Variants in ZNF804B observed in about 807,000 individuals in gnomAD.
ZNF804B encodes zinc finger protein 804B.
A neutral mutation model predicts 101.4 loss-of-function variants in ZNF804B; 80 were observed. The ratio of observed to expected loss-of-function variants is 0.79; its 90% CI spans 0.66 to 0.95. The LOEUF (loss-of-function observed/expected upper bound fraction) is 0.95, where lower values mean the gene tolerates loss of function less well. Among genes scored for constraint, ZNF804B ranks in the 40% least tolerant of loss-of-function variants. The pLI, the probability that ZNF804B is intolerant of heterozygous loss-of-function variation, is 0.00. For missense variants in ZNF804B, 1,673 were observed against 1,561.9 expected, an observed-to-expected ratio of 1.07 and a Z score of -1.20; for synonymous variants, 622 against 558.8, an observed-to-expected ratio of 1.11 and a Z score of -1.59.
intron 3 of ZNF804B, 27 bp from the exon 4 acceptor site, chr7:89,333,336 T>G (rs754699515): frequency 1.3e-5 from 19 of 1,513,622 alleles, no homozygotes; most frequent in Non-Finnish European, 1.7e-5. Flanking sequence ...AATCTCTTAA[T>G]CATTTAAATA....
chr7:88,872,543 T>C (rs1055672120), intron 1 of ZNF804B, among the ~76,000 whole-genome samples: 1 of 152,090 alleles, frequency 6.6e-6, no homozygotes, highest in South Asian at 2.1e-4. Context: ...TATGTATACA[T>C]GTGCCATGCT....
chr7:89,338,253 A>T lies in ZNF804B; in HGVS notation c.*1221A>T, dbSNP rs1487594355. ...TAATGCTGTCTATACGAAGATGCAA[A>T]CTCCTCTACCACTAGAAGATTAGAG... On this transcript the variant is annotated 3_prime_UTR_variant, in exon 4 of 4. Transcript: ENST00000333190. Among the ~76,000 whole-genome samples, 1 of 151,996 alleles carries T rather than the reference A, an allele frequency of 6.6e-6. No homozygotes were observed. Among genetic ancestry groups the T allele is most frequent in the Non-Finnish European group, 1.5e-5 (1 of 67,924 alleles).
intron 1 of ZNF804B, among the ~76,000 whole-genome samples, chr7:88,958,561 A>G (rs1793345999): frequency 6.6e-6 from 1 of 151,466 alleles, no homozygotes; most frequent in African/African-American, 2.4e-5. Flanking sequence ...GTCTCTAGTC[A>G]CTATGAACTA....
chr7:89,043,248 T>C (rs1275922494), intron 1 of ZNF804B, among the ~76,000 whole-genome samples: 1 of 152,194 alleles, frequency 6.6e-6, no homozygotes, highest in Non-Finnish European at 1.5e-5. Context: ...TTTCTTGCCA[T>C]AAGATGAGGG....
chr7:89,044,328 A>G (rs1257389209), intron 1 of ZNF804B, among the ~76,000 whole-genome samples: 2 of 152,156 alleles, frequency 1.3e-5, no homozygotes, highest in African/African-American at 4.8e-5. Flanking sequence ...TCAATTAATC[A>G]TCTTTCCTTT....
chr7:89,265,564 G>A (rs7808038), intron 2 of ZNF804B, among the ~76,000 whole-genome samples: 69,507 of 152,092 alleles, frequency 0.46, 17,167 homozygotes, highest in African/African-American at 0.63. Context: ...AGATAATACA[G>A]AAGGATAGTA....
chr7:88,872,963 A>G (rs1791861911), intron 1 of ZNF804B, among the ~76,000 whole-genome samples: 2 of 151,960 alleles, frequency 1.3e-5, no homozygotes, highest in South Asian at 2.1e-4. Flanking sequence ...AGCATGATTT[A>G]TAGTCCTTTG....
At chr7:89,173,009 A>G (rs1239626097) in intron 1 of ZNF804B, among the ~76,000 whole-genome samples, 1 of 152,144 alleles carries the variant, frequency 6.6e-6, no homozygotes, top group Admixed American at 6.5e-5. Context: ...TTGAGAGACG[A>G]TAATTCAAGG....
At chr7:89,057,639 G>T (rs1405996285) in intron 1 of ZNF804B, among the ~76,000 whole-genome samples, 1 of 152,100 alleles carries the variant, frequency 6.6e-6, no homozygotes, top group Non-Finnish European at 1.5e-5. Context: ...ATTCAGTGGG[G>T]GTGTGAGGGA....
At chr7:88,854,414 C>CCTTTCTTTCTTCCTTCCTTCCTTT (rs1491507073) in intron 1 of ZNF804B, among the ~76,000 whole-genome samples, 7 of 57,114 alleles carry the variant, frequency 1.2e-4, no homozygotes, top group South Asian at 7.3e-4. Flanking sequence ...TTTCTTTCTT[C>CCTTTCTTTCTTCCTTCCTTCCTTT]CTTTCTTTCT....
At chr7:88,863,350 G>A (rs577102127) in intron 1 of ZNF804B, among the ~76,000 whole-genome samples, 102 of 152,086 alleles carry the variant, frequency 6.7e-4, no homozygotes, top group Non-Finnish European at 1.2e-3. Flanking sequence ...GGTGTGCCAT[G>A]CCCATTCATA....
chr7:88,967,229 T>C (rs1242603423), intron 1 of ZNF804B, among the ~76,000 whole-genome samples: 1 of 30,930 alleles, frequency 3.2e-5, no homozygotes, highest in Non-Finnish European at 6.1e-5. Context: ...GCTGTACAGC[T>C]GTCATGGCTG....
intron 1 of ZNF804B, among the ~76,000 whole-genome samples, chr7:89,052,268 G>C (rs1409861343): frequency 6.6e-6 from 1 of 152,056 alleles, no homozygotes; most frequent in Non-Finnish European, 1.5e-5. Flanking sequence ...CTCCTGAGTA[G>C]CTGGGACTAC....
intron 1 of ZNF804B, among the ~76,000 whole-genome samples, chr7:88,952,528 A>G (rs1455667276): frequency 6.6e-6 from 1 of 151,796 alleles, no homozygotes; most frequent in East Asian, 2.0e-4. Flanking sequence ...GTACTTTGAT[A>G]TAGCTGATTA....
chr7:89,144,595 C>G (rs550997365), intron 1 of ZNF804B, among the ~76,000 whole-genome samples: 13 of 151,652 alleles, frequency 8.6e-5, no homozygotes, highest in African/African-American at 3.1e-4. Flanking sequence ...TATAAGGTTT[C>G]AGTTAGACAG....
rs575912462 is a variant in ZNF804B at position 89,069,070 on chromosome 7, G to T, written c.109-149085G>T. 4.6e-5 allele frequency among the ~76,000 whole-genome samples: 7 copies of T among 152,302 alleles called. No homozygotes were observed. The South Asian group carries it at 8.3e-4, about 18-fold the overall frequency. ...GTACTCTTTTATGTCAATAAAATCA[G>T]TTGTGACCTTACCAGTACCCTGTAG... On this transcript the variant is annotated intron_variant, in intron 1 of 3. Transcript: ENST00000333190.
intron 2 of ZNF804B, among the ~76,000 whole-genome samples, chr7:89,278,355 T>C (rs1221358916): frequency 2.0e-5 from 3 of 151,754 alleles, no homozygotes; most frequent in Non-Finnish European, 4.4e-5. Flanking sequence ...TTTAGTTTAA[T>C]TAGATCCCAT....
intron 1 of ZNF804B, among the ~76,000 whole-genome samples, chr7:89,041,679 C>G (rs1789019276): frequency 6.6e-6 from 1 of 152,182 alleles, no homozygotes; most frequent in Non-Finnish European, 1.5e-5. Context: ...CAGGTATTCA[C>G]TTCCCTTTCC....
At chr7:89,115,355 A>T (rs1790293601) in intron 1 of ZNF804B, among the ~76,000 whole-genome samples, 1 of 152,238 alleles carries the variant, frequency 6.6e-6, no homozygotes, top group Non-Finnish European at 1.5e-5. Context: ...CAACAAGTGT[A>T]TACTCAGGAG....
Sources: allele counts gnomAD v4.1 joint callset (sites outside exome capture counted in the v4.1 genomes callset), GRCh38; gene constraint gnomAD v4.1.1; transcripts MANE v1.5; gene names NCBI Gene and HGNC (gene_info 2026-07-23, HGNC 2026-07-21).